The following FREM3 variants were observed in gnomAD, a reference collection of about 807,000 sequenced individuals.
The protein encoded by FREM3 is FRAS1-related extracellular matrix protein 3.
A neutral mutation model predicts 129.1 loss-of-function variants in FREM3; 105 were observed. The observed-to-expected ratio is 0.81, with a 90% CI of 0.69 to 0.96. The LOEUF (loss-of-function observed/expected upper bound fraction) is 0.96, where lower values mean the gene tolerates loss of function less well. Among genes scored for constraint, FREM3 ranks in the 40% least tolerant of loss-of-function variants. FREM3 has a pLI of 0.00. For synonymous variants in FREM3, 1,014 were observed against 1,044.9 expected, an observed-to-expected ratio of 0.97 and a Z score of 0.57; for missense variants, 2,593 against 2,666.3, an observed-to-expected ratio of 0.97 and a Z score of 0.61.
At chr4:143,667,851 T>G (rs930340265) in intron 2 of FREM3, among the ~76,000 whole-genome samples, 2 of 152,228 alleles carry the variant, frequency 1.3e-5, no homozygotes, top group Non-Finnish European at 2.9e-5. Flanking sequence ...AGTAGGATTT[T>G]CTTAGCAGAG....
chr4:143,696,472 C>T lies in FREM3; in HGVS notation c.4204G>A (p.Asp1402Asn). 6.5e-7 allele frequency: 1 copy of T among 1,537,674 alleles called. No individual in the cohort carries two copies. Among genetic ancestry groups the T allele is most frequent in the Non-Finnish European group, 8.7e-7 (1 of 1,147,008 alleles). Reference sequence around the variant, plus strand: ...AAAGTGTTAACCCCATCAGTAACATCAAACTTGATAATGTCAACAATCCCT... The same window carrying T: ...AAAGTGTTAACCCCATCAGTAACATTAAACTTGATAATGTCAACAATCCCT... ...QEGIVDIIKFDVTDGVNTLTD... is the reference protein window; with the variant it reads ...QEGIVDIIKFNVTDGVNTLTD... The change falls in exon 1 of 8, where the codon GAT (aspartate) becomes AAT (asparagine). Residue 1402 changes from aspartate to asparagine, a missense_variant. Around this residue, in one of 2 missense-constraint regions of FREM3, gnomAD observed 2,276 missense variants for 2,267.2 expected, o/e 1.00. Transcript: ENST00000329798.
At chr4:143,675,946 G>T (rs1301423786) in intron 2 of FREM3, among the ~76,000 whole-genome samples, 2 of 152,134 alleles carry the variant, frequency 1.3e-5, no homozygotes, top group South Asian at 4.2e-4. Context: ...ATTCACAGCC[G>T]AATTCTACCA....
At chr4:143,600,039 C>A (rs1010464795) in intron 6 of FREM3, among the ~76,000 whole-genome samples, 1 of 152,156 alleles carries the variant, frequency 6.6e-6, no homozygotes, top group African/African-American at 2.4e-5. Context: ...TGGCATCCAG[C>A]ATGAGCTGGA....
intron 2 of FREM3, among the ~76,000 whole-genome samples, chr4:143,656,666 T>G (rs1401612295): frequency 6.6e-6 from 1 of 151,762 alleles, no homozygotes; most frequent in Non-Finnish European, 1.5e-5. Context: ...GGGAGAGGGG[T>G]GGCGGAAATG....
chr4:143,695,970 T>C lies in FREM3; in HGVS notation c.4706A>G (p.Asp1569Gly), dbSNP rs1359728808. ...ELTVEDSDTP[D>G]DLILFTITQV... ...GGTGATGGTAAAGAGAATAAGGTCA[T>C]CTGGGGTATCACTGTCTTCCACTGT... is the stretch of plus-strand genomic sequence containing the variant. Residue 1569 changes from aspartate (D) to glycine (G), a missense_variant, in exon 1 of 8, where the codon GAT becomes GGT. Transcript: ENST00000329798. 2.6e-6 allele frequency: 4 copies of C among 1,537,758 alleles called. No homozygotes were observed. Among genetic ancestry groups the C allele is most frequent in the Non-Finnish European group, 3.5e-6 (4 of 1,147,052 alleles).
chr4:143,580,992 T>G (rs1738132856), intron 7 of FREM3, among the ~76,000 whole-genome samples: 1 of 152,170 alleles, frequency 6.6e-6, no homozygotes, highest in Non-Finnish European at 1.5e-5. Context: ...CGCACTTCCT[T>G]GGGACAGAGC....
chr4:143,660,142 C>G (rs1265805572), intron 2 of FREM3, among the ~76,000 whole-genome samples: 1 of 150,924 alleles, frequency 6.6e-6, no homozygotes, highest in South Asian at 2.1e-4. Flanking sequence ...GTGTTTTAGA[C>G]ATGAAGTCCT....
At chr4:143,661,743 A>G (rs1206709004) in intron 2 of FREM3, among the ~76,000 whole-genome samples, 5 of 152,154 alleles carry the variant, frequency 3.3e-5, no homozygotes, top group African/African-American at 1.2e-4. Context: ...TTGGTAAGCT[A>G]TTGATTATTG....
intron 2 of FREM3, among the ~76,000 whole-genome samples, chr4:143,631,231 G>T (rs1739135095): frequency 6.6e-6 from 1 of 152,130 alleles, no homozygotes; most frequent in Admixed American, 6.6e-5. Context: ...TCTGGGGCTG[G>T]CTTAGTTCCT....
At chr4:143,623,199 A>G (rs1395247463) in intron 4 of FREM3, among the ~76,000 whole-genome samples, 1 of 152,230 alleles carries the variant, frequency 6.6e-6, no homozygotes, top group Non-Finnish European at 1.5e-5. Flanking sequence ...AGAGTTTCTC[A>G]GAATCTTTAA....
intron 6 of FREM3, among the ~76,000 whole-genome samples, chr4:143,605,320 T>C (rs1343660292): frequency 1.3e-5 from 2 of 152,124 alleles, no homozygotes; most frequent in East Asian, 1.9e-4. Context: ...TACTATTTCT[T>C]CAAGAAATAG....
At chr4:143,590,496 C>G (rs145222528) in intron 6 of FREM3, among the ~76,000 whole-genome samples, 50,851 of 152,052 alleles carry the variant, frequency 0.33, 10,451 homozygotes, top group Middle Eastern at 0.47. Flanking sequence ...TTGAGATAAT[C>G]ACGTGTTTTT....
chr4:143,667,183 A>G (rs973350957), intron 2 of FREM3, among the ~76,000 whole-genome samples: 7 of 152,126 alleles, frequency 4.6e-5, no homozygotes, highest in Admixed American at 2.0e-4. Flanking sequence ...GGAATACTGT[A>G]TTTTATGTGG....
chr4:143,693,334 A>C (rs1740507277), intron 1 of FREM3, 132 bp from the exon 2 acceptor site: 1 of 437,270 alleles, frequency 2.3e-6, no homozygotes, highest in Non-Finnish European at 4.0e-6. Flanking sequence ...TTGAGTGAAC[A>C]TGAATCTTCT....
intron 2 of FREM3, among the ~76,000 whole-genome samples, chr4:143,658,628 C>T (rs1024949023): frequency 7.9e-5 from 12 of 152,312 alleles, no homozygotes; most frequent in Admixed American, 7.2e-4. Context: ...CAACCTGTGG[C>T]CCCTGGGCGG....
intron 2 of FREM3, among the ~76,000 whole-genome samples, chr4:143,661,515 G>A (rs4835627): frequency 0.54 from 81,557 of 150,320 alleles, 23,091 homozygotes; most frequent in East Asian, 0.7. Context: ...GGATTTTTGC[G>A]TCAATGTTCA....
intron 2 of FREM3, among the ~76,000 whole-genome samples, chr4:143,684,137 C>A (rs187761853): frequency 8.5e-5 from 13 of 152,216 alleles, no homozygotes; most frequent in Non-Finnish European, 1.2e-4. Context: ...ACTGCTGGTT[C>A]CTCCCCATAC....
intron 2 of FREM3, among the ~76,000 whole-genome samples, chr4:143,668,214 C>A (rs1382686287): frequency 1.3e-5 from 2 of 151,952 alleles, no homozygotes; most frequent in Non-Finnish European, 2.9e-5. Flanking sequence ...TGATGAGTAT[C>A]CAGAGCTTAT....
At position 143,698,338 on chromosome 4, in the gene FREM3, C is replaced by A. The variant is rs529729998; in HGVS notation, c.2338G>T (p.Val780Leu). 4.6e-6 allele frequency: 7 copies of A among 1,537,902 alleles called. No individual in the cohort carries two copies. The African/African-American group carries it at 9.6e-5, about 21-fold the overall frequency. ...TLIMHFTQAQ[V>L]NQHKVAYQPP... ...TGGTAGGCAACTTTATGCTGATTTACCTGGGCTTGGGTAAAGTGCATGATG... is the reference window on the plus strand; with the variant it reads ...TGGTAGGCAACTTTATGCTGATTTAACTGGGCTTGGGTAAAGTGCATGATG... Residue 780 changes from valine (V) to leucine (L), a missense_variant, in exon 1 of 8, where the codon GTA becomes TTA. Coordinates refer to ENST00000329798, the MANE Select transcript of FREM3 (RefSeq NM_001168235.2).
Sources: gnomAD v4.1 joint callset for allele counts (sites outside exome capture counted in the v4.1 genomes callset) on GRCh38, gnomAD v4.1.1 for gene constraint, gnomAD v4.1.1 regional missense constraint, MANE v1.5 for transcripts, NCBI Gene and HGNC (gene_info 2026-07-23, HGNC 2026-07-21) for gene names.